Variants in NEMF observed in about 807,000 individuals in gnomAD.
The protein encoded by NEMF is ribosome quality control complex subunit NEMF.
In NEMF, 89 loss-of-function variants were observed where a neutral mutation model predicts 162.2. The ratio of observed to expected loss-of-function variants is 0.55; its 90% CI spans 0.46 to 0.65. The LOEUF (loss-of-function observed/expected upper bound fraction) is 0.65. Ranked by LOEUF, NEMF falls within the 30% of genes least tolerant of loss-of-function variation. NEMF has a pLI of 0.00. For missense variants in NEMF, 1,133 were observed against 1,261.9 expected, an observed-to-expected ratio of 0.90 and a Z score of 1.55; for synonymous variants, 421 against 404.5, an observed-to-expected ratio of 1.04 and a Z score of -0.49.
chr14:49,848,425 T>A (rs1036762045), intron 3 of NEMF, among the ~76,000 whole-genome samples: 1 of 152,200 alleles, frequency 6.6e-6, no homozygotes, highest in Non-Finnish European at 1.5e-5. Flanking sequence ...TATTGAAGTA[T>A]GACATGGACT....
chr14:49,834,839 C>T (rs1892818838), intron 6 of NEMF, among the ~76,000 whole-genome samples: 1 of 152,284 alleles, frequency 6.6e-6, no homozygotes, highest in Middle Eastern at 3.4e-3. Context: ...CAATGATCTA[C>T]TCAATAACAG....
At chr14:49,786,447 A>G (rs995729552) in intron 29 of NEMF, 8 of 417,376 alleles carry the variant, frequency 1.9e-5, no homozygotes, top group Admixed American at 8.1e-5. Context: ...ACTTTTCTAA[A>G]TGCCCTTTAC....
At chr14:49,836,894 T>C (rs994917051) in intron 6 of NEMF, among the ~76,000 whole-genome samples, 3 of 152,196 alleles carry the variant, frequency 2.0e-5, no homozygotes, top group African/African-American at 7.2e-5. Context: ...GGTGATTTTA[T>C]ACAATATTTT....
chr14:49,846,035 C>A (rs765801477), intron 4 of NEMF, 105 bp downstream of exon 4: 187 of 930,902 alleles, frequency 2.0e-4, no homozygotes, highest in Non-Finnish European at 2.9e-4. Flanking sequence ...GTAGTAACAA[C>A]CTTTGACACA....
intron 22 of NEMF, 132 bp from the exon 23 acceptor site, chr14:49,800,828 A>G (rs1890919606): frequency 2.5e-6 from 2 of 796,070 alleles, no homozygotes. Flanking sequence ...GTGTCTGATC[A>G]TTCCCAAAGG....
chr14:49,844,790 A>C lies in NEMF; in HGVS notation c.357+1350T>G, dbSNP rs181720117. ...ATATATTTTTTTTTTCCTTTTTGAG[A>C]CTGAATCTCACTCTGTCACCTGAGC... is the stretch of plus-strand genomic sequence containing the variant. On this transcript the variant is annotated intron_variant, in intron 4 of 32. Transcript: ENST00000298310. 301 of 418,734 alleles carry C rather than the reference A, an allele frequency of 7.2e-4. 3 individuals carry two copies. Among genetic ancestry groups the C allele is most frequent in the African/African-American group, 5.5e-3 (261 of 47,784 alleles). 25.9% of individuals were successfully genotyped at this position (418,734 alleles called of 1,614,324 possible). A position where few individuals can be genotyped will look rare whatever the true frequency, so the allele number is the denominator to read the frequency against.
At chr14:49,794,780 G>T (rs1350421609) in intron 26 of NEMF, among the ~76,000 whole-genome samples, 1 of 149,180 alleles carries the variant, frequency 6.7e-6, no homozygotes, top group African/African-American at 2.5e-5. Context: ...GTGCAGTGGC[G>T]TGATCTTGGC....
chr14:49,790,245 A>T (rs1332754426), intron 26 of NEMF, among the ~76,000 whole-genome samples: 2 of 152,266 alleles, frequency 1.3e-5, no homozygotes, highest in Non-Finnish European at 2.9e-5. Context: ...ACTATTAAAA[A>T]GTGAAAAACA....
Position 49,834,446 on chromosome 14 carries a change from T to C in NEMF, c.578A>G (p.Tyr193Cys), listed in dbSNP as rs765968441. Residue 193 changes from tyrosine (Y) to cysteine (C), a missense_variant, in exon 7 of 33, where the codon TAT (tyrosine) becomes TGT (cysteine). By Grantham distance (194) the Tyr-to-Cys change is radical. Coordinates refer to ENST00000298310, the MANE Select transcript of NEMF (RefSeq NM_004713.6). ...LKRVLNPLLP[Y>C]GPALIEHCLL... ...ACAGTGTTCAATGAGAGCTGGTCCA[T>C]AGGCTATAAATGCAGAGGATATTAC... 2.5e-5 allele frequency: 39 copies of C among 1,585,426 alleles called. No homozygotes were observed. The highest frequency in any genetic ancestry group is 1.8e-4 in the African/African-American group (13 of 74,270).
intron 15 of NEMF, among the ~76,000 whole-genome samples, chr14:49,827,682 G>A (rs776780859): frequency 1.3e-5 from 2 of 152,030 alleles, no homozygotes; most frequent in African/African-American, 2.4e-5. Flanking sequence ...GTGTGGTGGC[G>A]GGCGCCTGTA....
rs1054509534 is a variant in NEMF, at chr14:49,840,785, A to C, written c.439T>G (p.Phe147Val). 6 of 1,613,978 alleles carry C rather than the reference A, an allele frequency of 3.7e-6. No homozygotes were observed. The African/African-American group carries it at 5.3e-5, about 14-fold the overall frequency. ...FRTDEADDVK[F>V]AVRERYPLDH... ...AGTGGATAGCGTTCACGAACAGCAA[A>C]TTTAACATCATCTGCCTCATCAGTT... Residue 147 changes from phenylalanine (F) to valine (V), a missense_variant, in exon 5 of 33, where the codon TTT becomes GTT. Coordinates refer to ENST00000298310, the MANE Select transcript of NEMF (RefSeq NM_004713.6).
At chr14:49,847,106 G>A (rs908723942) in intron 3 of NEMF, among the ~76,000 whole-genome samples, 7 of 151,656 alleles carry the variant, frequency 4.6e-5, no homozygotes, top group South Asian at 4.2e-4. Flanking sequence ...GGCTGGTCTC[G>A]AAGTTCTGAC....
chr14:49,820,415 G>A (rs989036541), intron 16 of NEMF: 8 of 456,600 alleles, frequency 1.8e-5, no homozygotes, highest in Non-Finnish European at 3.5e-5. Flanking sequence ...TCTGGTCACT[G>A]CATGACTTCG....
At chr14:49,850,937 C>T (rs182789214) in intron 3 of NEMF, among the ~76,000 whole-genome samples, 13 of 152,336 alleles carry the variant, frequency 8.5e-5, no homozygotes, top group Non-Finnish European at 1.8e-4. Context: ...GGCGCGGTGG[C>T]TCATGCCTGT....
At position 49,806,152 on chromosome 14, in the gene NEMF, A is replaced by C; in HGVS notation, c.1745-19T>G. 6.4e-7 allele frequency: 1 copy of C among 1,565,576 alleles called. No individual in the cohort carries two copies. Among genetic ancestry groups the C allele is most frequent in the Non-Finnish European group, 8.7e-7 (1 of 1,143,898 alleles). Reference sequence around the variant, plus strand: ...GGTTCTCCTAGAATAACAATGCATAATGTTTCAATACCAAAGTATGGACTT... The same window carrying C: ...GGTTCTCCTAGAATAACAATGCATACTGTTTCAATACCAAAGTATGGACTT... On this transcript the variant is annotated intron_variant, in intron 18 of 32. Transcript: ENST00000298310.
intron 26 of NEMF, among the ~76,000 whole-genome samples, chr14:49,792,140 C>CT (rs1159697080): frequency 6.7e-6 from 1 of 148,938 alleles, no homozygotes; most frequent in African/African-American, 2.5e-5. Flanking sequence ...AAGACCCAGT[C>CT]TAAAAAAAAA....
At chr14:49,793,665 C>T (rs1364970132) in intron 26 of NEMF, among the ~76,000 whole-genome samples, 1 of 152,132 alleles carries the variant, frequency 6.6e-6, no homozygotes, top group African/African-American at 2.4e-5. Context: ...TTGTTGTACA[C>T]TTAAGATTAA....
chr14:49,844,882 C>G (rs539783095), intron 4 of NEMF: 5 of 351,570 alleles, frequency 1.4e-5, no homozygotes, highest in Admixed American at 6.2e-5. Context: ...GATTCTCCTG[C>G]CTCAGCCTCC....
chr14:49,839,239 G>A (rs574771949), intron 5 of NEMF, among the ~76,000 whole-genome samples: 4 of 151,770 alleles, frequency 2.6e-5, no homozygotes, highest in African/African-American at 4.8e-5. Flanking sequence ...CACCATGCCC[G>A]GCTAATTTTT....
Sources: gnomAD v4.1 joint callset for allele counts (sites outside exome capture counted in the v4.1 genomes callset) on GRCh38, gnomAD v4.1.1 for gene constraint, MANE v1.5 for transcripts, NCBI Gene and HGNC (gene_info 2026-07-23, HGNC 2026-07-21) for gene names.